TAF2: variants seen among roughly 807,000 people sequenced by gnomAD.
TAF2 encodes the protein TATA-box binding protein associated factor 2, also known as transcription initiation factor TFIID subunit 2.
In TAF2, 61 loss-of-function variants were observed where a neutral mutation model predicts 138.5. That is an observed-to-expected ratio of 0.44 (90% confidence interval 0.36 to 0.54). TAF2 has a LOEUF of 0.54. TAF2 is among the 20% of genes least tolerant of loss of function. The probability of loss-of-function intolerance (pLI) is 0.00; values close to 1 mark genes in which losing one functional copy is unlikely to be tolerated. For synonymous variants in TAF2, 475 were observed against 469.9 expected (o/e 1.01, Z -0.14); for missense variants, 1,090 against 1,427.9 (o/e 0.76, Z 3.81).
rs199882528 is a variant in TAF2, at chr8:119,788,452, T to A, written c.1684-5A>T. On this transcript the variant is annotated splice_polypyrimidine_tract_variant and splice_region_variant and intron_variant, in intron 13 of 25. Coordinates refer to ENST00000378164, the MANE Select transcript of TAF2 (RefSeq NM_003184.4). ...CACTGTCACTTTAAGTGGTCCCTTT[T>A]AAAAAAAAAACGTACTGTTCAGAGA... 0.011 allele frequency: 16,586 copies of A among 1,501,734 alleles called. 93 individuals are homozygous for A. The highest frequency in any genetic ancestry group is 0.02 in the Middle Eastern group (116 of 5,690). The allele number at this position is 1,501,734 out of a possible 1,614,324, so 93.0% of individuals were successfully genotyped here. A position where few individuals can be genotyped will look rare whatever the true frequency, so the allele number is the denominator to read the frequency against.
chr8:119,754,460 G>A (rs890542328), intron 22 of TAF2, among the ~76,000 whole-genome samples: 12 of 151,936 alleles, frequency 7.9e-5, no homozygotes, highest in Admixed American at 4.6e-4. Context: ...ATGAGGCGGC[G>A]GATCACAAGG....
rs1443172199 is a variant in TAF2, at chr8:119,806,263, A to T, written c.418+20T>A. On this transcript the variant is annotated intron_variant, in intron 4 of 25. Transcript: ENST00000378164. ...CTAACGTGATTTTAGTGTACAGTCA[A>T]TATACTCTTGGTGCTTTACCATCAA... is the stretch of plus-strand genomic sequence containing the variant. 1 of 1,589,722 alleles carries T rather than the reference A, an allele frequency of 6.3e-7. No individual in the cohort carries two copies. Among genetic ancestry groups the T allele is most frequent in the Admixed American group, 1.7e-5 (1 of 59,944 alleles).
In TAF2 at chr8:119,755,256, C is replaced by T. The variant is rs575538359; in HGVS notation, c.2878+750G>A. ...GTACAGTGTTTCACACCTGTAATCC[C>T]ACCACTTTGGAAGGCCAAGGCGGGT... On this transcript the variant is annotated intron_variant, in intron 22 of 25. Coordinates refer to ENST00000378164, the MANE Select transcript of TAF2 (RefSeq NM_003184.4). Among the ~76,000 whole-genome samples, 138 of 152,314 alleles carry T rather than the reference C, an allele frequency of 9.1e-4. 1 individual carries two copies. The highest frequency in any genetic ancestry group is 3.1e-3 in the African/African-American group (129 of 41,576).
rs921233589 is a variant in TAF2 at position 119,772,938 on chromosome 8, AAAT to A, written c.2364+5078_2364+5080del. 3.4e-5 allele frequency among the ~76,000 whole-genome samples: 5 copies of A among 148,994 alleles called. 1 individual carries two copies. Among genetic ancestry groups the A allele is most frequent in the East Asian group, 1.9e-4 (1 of 5,154 alleles). ...GTTAACAAGAGACAGACTCCATCTC[AAAT>A]AATAATAATAATAATAATAACAATA... is the stretch of plus-strand genomic sequence containing the variant. On this transcript the variant is annotated intron_variant, in intron 18 of 25. Transcript: ENST00000378164.
rs761625333 is a variant in TAF2 at position 119,806,390 on chromosome 8, T to C, written c.311A>G (p.Asn104Ser). 1 of 1,613,586 alleles carries C rather than the reference T, an allele frequency of 6.2e-7. No individual in the cohort carries two copies. Among genetic ancestry groups the C allele is most frequent in the Non-Finnish European group, 8.5e-7 (1 of 1,179,644 alleles). ...AGCTGCATAAGCATTGGAAAAATAATTGAGGTTTCTCCTGGGGAAAAAAAA... is the reference window on the plus strand; with the variant it reads ...AGCTGCATAAGCATTGGAAAAATAACTGAGGTTTCTCCTGGGGAAAAAAAA... ...CHSESKQRNLNYFSNAYAAAV... is the reference protein window; with the variant it reads ...CHSESKQRNLSYFSNAYAAAV... Residue 104 changes from asparagine (N) to serine (S), a missense_variant, in exon 4 of 26, where the codon AAT becomes AGT. By Grantham distance (46) the Asn-to-Ser change is conservative. Transcript: ENST00000378164.
At chr8:119,744,688 CCAAA>C (rs1819834413) in intron 23 of TAF2, 10 of 433,592 alleles carry the variant, frequency 2.3e-5, no homozygotes, top group East Asian at 1.5e-4. Context: ...AGTTCCTCCC[CCAAA>C]CAGAGAAGAA....
chr8:119,826,521 G>C lies in TAF2; in HGVS notation c.138+5156C>G, dbSNP rs116211294. ...CTTTACCCTTGCTATGGTCACTTAT[G>C]ACCAAGATTACTTTCAGTTTTCAAG... On this transcript the variant is annotated intron_variant, in intron 2 of 25. Transcript: ENST00000378164. Among the ~76,000 whole-genome samples the C allele has an allele frequency of 6.3e-3, 964 of 151,952 alleles. 9 individuals carry two copies. The highest frequency in any genetic ancestry group is 0.021 in the African/African-American group (850 of 41,444).
At chr8:119,821,752 C>T (rs557467978) in intron 2 of TAF2, among the ~76,000 whole-genome samples, 14 of 152,230 alleles carry the variant, frequency 9.2e-5, no homozygotes, top group South Asian at 2.1e-4. Flanking sequence ...TTATGACAAC[C>T]GAACAGCCAG....
intron 3 of TAF2, among the ~76,000 whole-genome samples, chr8:119,811,242 A>G: frequency 6.6e-6 from 1 of 151,720 alleles, no homozygotes; most frequent in East Asian, 1.9e-4. Context: ...AAATATCCAT[A>G]TTGAATTAAT....
intron 2 of TAF2, among the ~76,000 whole-genome samples, chr8:119,829,957 C>T (rs560950566): frequency 1.7e-4 from 26 of 148,642 alleles, no homozygotes; most frequent in Middle Eastern, 3.5e-3. Flanking sequence ...CTCCCAGGTT[C>T]GGCGCGATCT....
At chr8:119,777,331 T>A (rs1822322824) in intron 18 of TAF2, among the ~76,000 whole-genome samples, 1 of 152,188 alleles carries the variant, frequency 6.6e-6, no homozygotes, top group Non-Finnish European at 1.5e-5. Flanking sequence ...GACTGCTGAT[T>A]GCTTACTTGT....
At chr8:119,818,398 G>A (rs1459887043) in intron 3 of TAF2, among the ~76,000 whole-genome samples, 1 of 152,120 alleles carries the variant, frequency 6.6e-6, no homozygotes, top group African/African-American at 2.4e-5. Context: ...TTATGATAAA[G>A]TTTTGGCATC....
chr8:119,753,317 A>C (rs932947028), intron 22 of TAF2, among the ~76,000 whole-genome samples: 5 of 152,126 alleles, frequency 3.3e-5, no homozygotes, highest in African/African-American at 1.2e-4. Flanking sequence ...TTTGCCATTA[A>C]ATTTTTTTAA....
At chr8:119,740,491 T>TA (rs34577375) in intron 25 of TAF2, among the ~76,000 whole-genome samples, 26,301 of 86,744 alleles carry the variant, frequency 0.3, 4,303 homozygotes, top group Admixed American at 0.44. Context: ...CTGTCTCTAC[T>TA]AAAAAAAAAA....
At chr8:119,819,884 AC>A (rs1825710252) in intron 2 of TAF2, among the ~76,000 whole-genome samples, 1 of 152,208 alleles carries the variant, frequency 6.6e-6, no homozygotes, top group Non-Finnish European at 1.5e-5. Context: ...GAGTGAAAGA[AC>A]ATGGCAGAAA....
chr8:119,767,388 G>GCT (rs1236622592), intron 18 of TAF2, among the ~76,000 whole-genome samples: 1 of 152,212 alleles, frequency 6.6e-6, no homozygotes, highest in Non-Finnish European at 1.5e-5. Context: ...CTGAACCAGG[G>GCT]CAAGTGTGGA....
chr8:119,785,864 T>A (rs1563875695), intron 14 of TAF2, among the ~76,000 whole-genome samples: 1 of 152,144 alleles, frequency 6.6e-6, no homozygotes, highest in African/African-American at 2.4e-5. Flanking sequence ...CCAAATGACA[T>A]TCTGTTATTA....
At chr8:119,766,761 G>A (rs999281828) in intron 18 of TAF2, among the ~76,000 whole-genome samples, 1 of 151,034 alleles carries the variant, frequency 6.6e-6, no homozygotes, top group Admixed American at 6.6e-5. Flanking sequence ...TTGAACCCAG[G>A]AGGCAGAGGT....
rs114253254 is a variant in TAF2, at chr8:119,732,405, A to C, written c.3338-219T>G. Among the ~76,000 whole-genome samples the C allele has an allele frequency of 9.2e-3, 1,395 of 152,306 alleles. 20 individuals carry two copies. The highest frequency in any genetic ancestry group is 0.032 in the African/African-American group (1,330 of 41,556). On this transcript the variant is annotated intron_variant, in intron 25 of 25. Transcript: ENST00000378164. ...TTGAATATATAGTTCCTTATAGTCT[A>C]TACAAATTTGGCCATATACCAGTGT...
Sources: allele counts gnomAD v4.1 joint callset (sites outside exome capture counted in the v4.1 genomes callset), GRCh38; gene constraint gnomAD v4.1.1; transcripts MANE v1.5; gene names NCBI Gene and HGNC (gene_info 2026-07-23, HGNC 2026-07-21).